Variants in STARD9 observed in about 807,000 individuals in gnomAD.
STARD9 encodes StAR related lipid transfer domain containing 9, also known as stAR-related lipid transfer protein 9.
In STARD9, 346 loss-of-function variants were observed where a neutral mutation model predicts 399.8. The observed-to-expected ratio is 0.87, with a 90% confidence interval of 0.79 to 0.95. The LOEUF is 0.95. Ranked by LOEUF, STARD9 falls within the 40% of genes least tolerant of loss-of-function variation. The pLI, the probability that STARD9 is intolerant of heterozygous loss-of-function variation, is 0.00. For synonymous variants in STARD9, 2,203 were observed against 2,143.5 expected, an observed-to-expected ratio of 1.03 and a Z score of -0.77; for missense variants, 5,832 against 5,667.5, an observed-to-expected ratio of 1.03 and a Z score of -0.93.
In STARD9 at chr15:42,623,547, A is replaced by G. The variant is rs532547410; in HGVS notation, c.235-11309A>G. On this transcript the variant is annotated intron_variant, in intron 3 of 32. Transcript: ENST00000290607. ...TCAATAAATACTTTCTTCCAAGATT[A>G]AGAGAATTCTAGTTCTGGGACTTGG... is the stretch of plus-strand genomic sequence containing the variant. Among the ~76,000 whole-genome samples the G allele has an allele frequency of 4.6e-5, 7 of 152,308 alleles. No individual in the cohort carries two copies. In the South Asian group the frequency reaches 1.5e-3, roughly 32 times the overall value.
chr15:42,639,270 T>G (rs145872164), intron 7 of STARD9, among the ~76,000 whole-genome samples: 1 of 152,244 alleles, frequency 6.6e-6, no homozygotes, highest in Non-Finnish European at 1.5e-5. Flanking sequence ...AAGGGGCCAG[T>G]GTGGCTAAAG....
At chr15:42,612,312 C>A (rs1195804108) in intron 3 of STARD9, among the ~76,000 whole-genome samples, 1 of 152,106 alleles carries the variant, frequency 6.6e-6, no homozygotes, top group African/African-American at 2.4e-5. Context: ...CATCTGTGAG[C>A]TGACAGTGAG....
intron 16 of STARD9, chr15:42,671,854 C>A (rs2060210134): frequency 6.6e-6 from 1 of 152,140 alleles, no homozygotes; most frequent in Non-Finnish European, 1.5e-5. Flanking sequence ...GTTGGCCAGG[C>A]TGGTCTTGAA....
chr15:42,663,999 C>A, intron 13 of STARD9, 82 bp downstream of exon 13: 1 of 951,678 alleles, frequency 1.1e-6, no homozygotes, highest in South Asian at 1.4e-5. Context: ...ATTTCTTTCT[C>A]TTTGTACTCA....
At chr15:42,612,895 A>T (rs2141819196) in intron 3 of STARD9, among the ~76,000 whole-genome samples, 1 of 151,828 alleles carries the variant, frequency 6.6e-6, no homozygotes, top group Admixed American at 6.6e-5. Context: ...GAGGCAGGAG[A>T]ATTGCTTGAA....
chr15:42,601,074 C>G (rs183110458), intron 3 of STARD9, among the ~76,000 whole-genome samples: 2,065 of 152,044 alleles, frequency 0.014, 37 homozygotes, highest in African/African-American at 0.035. Context: ...TGACTCTTAA[C>G]GAGTATGCTG....
rs143056573 is a variant in STARD9, at chr15:42,581,806, A to G, written c.48-1540A>G. 3.3e-3 allele frequency among the ~76,000 whole-genome samples: 505 copies of G among 152,344 alleles called. 3 individuals are homozygous for G. The highest frequency in any genetic ancestry group is 0.012 in the African/African-American group (490 of 41,578). On this transcript the variant is annotated intron_variant, in intron 1 of 32. Coordinates refer to ENST00000290607, the MANE Select transcript of STARD9 (RefSeq NM_020759.3). ...TGAACATTTGATAAAAGAATACATT[A>G]CAACAATCTTTATTCCTCAGACCCC...
At position 42,687,545 on chromosome 15, in the gene STARD9, T is replaced by C; in HGVS notation, c.5967T>C (p.Asp1989=). 4 of 1,536,998 alleles carry C rather than the reference T, an allele frequency of 2.6e-6. No individual in the cohort carries two copies. Among genetic ancestry groups the C allele is most frequent in the Non-Finnish European group, 3.5e-6 (4 of 1,146,856 alleles). ...GLLEKGLRPK[D]SSEEFKLPGT... is the part of the protein sequence containing the mutation. ...TTGAAAAAGGTCTTCGTCCCAAAGA[T>C]AGCTCAGAAGAGTTTAAGCTTCCAG... Residue 1989 remains aspartate, a synonymous_variant, in exon 23 of 33, where the codon GAT becomes GAC. Coordinates refer to ENST00000290607, the MANE Select transcript of STARD9 (RefSeq NM_020759.3).
intron 3 of STARD9, among the ~76,000 whole-genome samples, chr15:42,634,214 C>T (rs1452197914): frequency 6.6e-6 from 1 of 152,088 alleles, no homozygotes; most frequent in African/African-American, 2.4e-5. Context: ...GCTATTTTTT[C>T]CTGAGACCAG....
In STARD9 at chr15:42,603,670, G is replaced by A. The variant is rs562692974; in HGVS notation, c.234+18033G>A. The stretch of plus-strand genomic sequence containing the variant: ...TTAAAGGATAGTTTTGCAGGCAGGG[G>A]GCTAGGGAATGGGGAATATTGATTG... On this transcript the variant is annotated intron_variant, in intron 3 of 32. Transcript: ENST00000290607. 2.6e-5 allele frequency among the ~76,000 whole-genome samples: 4 copies of A among 152,212 alleles called. No individual in the cohort carries two copies. In the East Asian group the frequency reaches 7.7e-4, roughly 29 times the overall value.
intron 7 of STARD9, among the ~76,000 whole-genome samples, chr15:42,645,810 G>A (rs778303309): frequency 5.3e-5 from 8 of 152,022 alleles, no homozygotes; most frequent in Non-Finnish European, 1.2e-4. Flanking sequence ...CCAAAGTTCT[G>A]GGATTACAGC....
At chr15:42,611,927 A>G (rs2058857656) in intron 3 of STARD9, among the ~76,000 whole-genome samples, 1 of 152,192 alleles carries the variant, frequency 6.6e-6, no homozygotes, top group African/African-American at 2.4e-5. Flanking sequence ...AGAACTCCCC[A>G]AAAGAGTTGA....
chr15:42,680,063 A>G (rs919429049), intron 20 of STARD9, among the ~76,000 whole-genome samples: 3 of 152,226 alleles, frequency 2.0e-5, no homozygotes, highest in African/African-American at 7.2e-5. Context: ...AGCCTCTGGC[A>G]GAATCTGACT....
chr15:42,666,000 A>G (rs1419375487), intron 15 of STARD9, among the ~76,000 whole-genome samples, 152 bp downstream of exon 15: 1 of 151,962 alleles, frequency 6.6e-6, no homozygotes, highest in South Asian at 2.1e-4. Flanking sequence ...TGACCGGGGG[A>G]TGTGTTTGCC....
chr15:42,703,432 C>G (rs1002762207), intron 26 of STARD9, among the ~76,000 whole-genome samples: 1 of 150,894 alleles, frequency 6.6e-6, no homozygotes, highest in Non-Finnish European at 1.5e-5. Flanking sequence ...GGCACAATCC[C>G]TGCCCACTGC....
intron 3 of STARD9, among the ~76,000 whole-genome samples, chr15:42,619,410 A>C (rs2059038611): frequency 6.6e-6 from 1 of 152,098 alleles, no homozygotes; most frequent in Non-Finnish European, 1.5e-5. Context: ...AAAAATTAAA[A>C]AAAAATTAGC....
Position 42,674,955 on chromosome 15 carries a change from C to T in STARD9, c.1678C>T (p.Leu560=), listed in dbSNP as rs2060280515. The change falls in exon 18 of 33, where the codon CTG becomes TTG. Residue 560 remains leucine (L), a synonymous_variant. Coordinates refer to ENST00000290607, the MANE Select transcript of STARD9 (RefSeq NM_020759.3). ...CCGGGAGGTCACTGCCTCCTGCCGT[C>T]TGACTCAAGGTAGGACTGTCTGTAG... ...NGREVTASCR[L]TQGAVITLGK... is the part of the protein sequence containing the mutation. 1 of 1,534,114 alleles carries T rather than the reference C, an allele frequency of 6.5e-7. No individual in the cohort carries two copies. The highest frequency in any genetic ancestry group is 8.7e-7 in the Non-Finnish European group (1 of 1,145,644).
intron 9 of STARD9, among the ~76,000 whole-genome samples, chr15:42,654,882 C>G (rs965302752): frequency 6.6e-6 from 1 of 152,042 alleles, no homozygotes; most frequent in Non-Finnish European, 1.5e-5. Flanking sequence ...CAATGCAATC[C>G]CCATCAAAAT....
Position 42,689,274 on chromosome 15 carries a change from C to T in STARD9, c.7696C>T (p.His2566Tyr), listed in dbSNP as rs1392439216. ...GGCAAAGGCCCAGAGAAAGCAGCTT[C>T]ATGACTTTGTGGCCAGGGGCACAGT... is the stretch of plus-strand genomic sequence containing the variant. ...RQAKAQRKQL[H>Y]DFVARGTVLS... Residue 2566 changes from histidine to tyrosine, a missense_variant, in exon 23 of 33, where the codon CAT becomes TAT. His to Tyr is a moderately conservative substitution (Grantham distance 83). This residue lies in a region of STARD9 where 5,828 missense variants were observed against 5,651.1 expected (regional missense o/e 1.03). Transcript: ENST00000290607. 1 of 1,537,300 alleles carries T rather than the reference C, an allele frequency of 6.5e-7. No homozygotes were observed. Among genetic ancestry groups the T allele is most frequent in the East Asian group, 2.4e-5 (1 of 40,924 alleles).
Sources: gnomAD v4.1 joint callset for allele counts (sites outside exome capture counted in the v4.1 genomes callset) on GRCh38, gnomAD v4.1.1 for gene constraint, gnomAD v4.1.1 regional missense constraint, MANE v1.5 for transcripts, NCBI Gene and HGNC (gene_info 2026-07-23, HGNC 2026-07-21) for gene names.